Variants in CFAP61 observed in about 807,000 individuals in gnomAD.
CFAP61 encodes the protein cilia- and flagella-associated protein 61.
Under a neutral mutation model 135.6 loss-of-function variants are expected in CFAP61, and 107 were observed. The observed-to-expected ratio is 0.79, with a 90% CI of 0.67 to 0.93. CFAP61 has a LOEUF of 0.93. Among genes scored for constraint, CFAP61 ranks in the 40% least tolerant of loss-of-function variants. The pLI is 0.00. For synonymous variants in CFAP61, 575 were observed against 578.5 expected (o/e 0.99, Z 0.09); for missense variants, 1,507 against 1,556.2 (o/e 0.97, Z 0.53).
At chr20:20,356,218 GA>G (rs2059151836) in intron 26 of CFAP61, among the ~76,000 whole-genome samples, 1 of 139,170 alleles carries the variant, frequency 7.2e-6, no homozygotes, top group African/African-American at 2.7e-5. Flanking sequence ...TACTGTGAGT[GA>G]GGAGCTAGTC....
chr20:20,359,660 G>A lies in CFAP61; in HGVS notation c.3514-550G>A, dbSNP rs922309937. ...GCCTGGGCAACAACAGCGAAATTCC[G>A]TCTCAAAAAGCAAAAAACAAAACAA... is the stretch of plus-strand genomic sequence containing the variant. On this transcript the variant is annotated intron_variant, in intron 26 of 26. Coordinates refer to ENST00000245957, the MANE Select transcript of CFAP61 (RefSeq NM_015585.4). The surrounding 1 kb of genome is among the most constrained non-coding windows in gnomAD (Gnocchi z 4.0). 7.7e-5 allele frequency among the ~76,000 whole-genome samples: 10 copies of A among 129,190 alleles called. No homozygotes were observed. Among genetic ancestry groups the A allele is most frequent in the East Asian group, 2.3e-4 (1 of 4,258 alleles). 84.8% of individuals were successfully genotyped at this position (129,190 alleles called of 152,430 possible).
At chr20:20,093,338 G>A (rs67145845) in intron 7 of CFAP61, among the ~76,000 whole-genome samples, 32,684 of 152,074 alleles carry the variant, frequency 0.21, 4,310 homozygotes, top group South Asian at 0.34. Context: ...GGGCATAGTC[G>A]TTGGTTGGTG....
At chr20:20,137,159 C>T (rs923511268) in intron 8 of CFAP61, among the ~76,000 whole-genome samples, 3 of 152,198 alleles carry the variant, frequency 2.0e-5, no homozygotes, top group African/African-American at 7.2e-5. Flanking sequence ...AGGGGTGACA[C>T]AAAGCACCCT....
chr20:20,119,364 T>C (rs1376843032), intron 8 of CFAP61, among the ~76,000 whole-genome samples: 1 of 152,156 alleles, frequency 6.6e-6, no homozygotes, highest in Non-Finnish European at 1.5e-5. Context: ...AGTCAAGGAA[T>C]TTATCAATTT....
intron 8 of CFAP61, among the ~76,000 whole-genome samples, chr20:20,138,475 T>C (rs566147535): frequency 6.6e-6 from 1 of 151,016 alleles, no homozygotes; most frequent in African/African-American, 2.5e-5. Flanking sequence ...GAGTTCTGCC[T>C]GGTGTTGACA....
intron 26 of CFAP61, among the ~76,000 whole-genome samples, chr20:20,346,352 ACTAAAAATACAAAAAACTAG>A (rs1251054109): frequency 4.0e-5 from 6 of 150,674 alleles, no homozygotes; most frequent in Non-Finnish European, 8.9e-5. Flanking sequence ...CCCTGTCTCT[ACTAAAAATACAAAAAACTAG>A]CTGGGCATGG....
intron 22 of CFAP61, among the ~76,000 whole-genome samples, chr20:20,278,689 G>C (rs184817142): frequency 2.4e-4 from 37 of 152,236 alleles, no homozygotes; most frequent in Admixed American, 8.5e-4. Flanking sequence ...GATTGAGAAT[G>C]GTGGCTCTCA....
At chr20:20,138,786 C>T (rs1600891383) in intron 8 of CFAP61, among the ~76,000 whole-genome samples, 1 of 152,200 alleles carries the variant, frequency 6.6e-6, no homozygotes, top group African/African-American at 2.4e-5. Flanking sequence ...CATTTTGCTT[C>T]ACTTCCTCTA....
intron 20 of CFAP61, chr20:20,253,410 T>A: frequency 1.5e-5 from 4 of 260,004 alleles, no homozygotes; most frequent in Non-Finnish European, 2.3e-5. Flanking sequence ...TCAATAAGGC[T>A]CATCTCACTG....
At chr20:20,144,445 A>T (rs763392430) in intron 9 of CFAP61, among the ~76,000 whole-genome samples, 1 of 152,184 alleles carries the variant, frequency 6.6e-6, no homozygotes, top group East Asian at 1.9e-4. Flanking sequence ...CACCAGAAGG[A>T]TTAACTCCAG....
Position 20,277,264 on chromosome 20 carries a change from C to T in CFAP61, c.2602C>T (p.Pro868Ser). ...CGGCAGCCGCATCCACCTCGTGCAG[C>T]CCCCGCCCGCCTCCACCATCACCTG... ...VSGSRIHLVQ[P>S]PPASTITCIN... The change falls in exon 22 of 27, where the codon CCC (proline) becomes TCC (serine). Residue 868 changes from proline to serine, a missense_variant. Pro to Ser is a moderately conservative substitution (Grantham distance 74). Coordinates refer to ENST00000245957, the MANE Select transcript of CFAP61 (RefSeq NM_015585.4). 1.2e-6 allele frequency: 2 copies of T among 1,613,862 alleles called. No individual in the cohort carries two copies. The highest frequency in any genetic ancestry group is 1.7e-5 in the Admixed American group (1 of 60,018).
At chr20:20,350,710 C>T (rs2035461833) in intron 26 of CFAP61, among the ~76,000 whole-genome samples, 1 of 152,190 alleles carries the variant, frequency 6.6e-6, no homozygotes, top group Non-Finnish European at 1.5e-5. Context: ...CAAAGCAGCA[C>T]TGTTTAGAAC....
intron 6 of CFAP61, among the ~76,000 whole-genome samples, chr20:20,079,333 T>C (rs973928405): frequency 6.6e-6 from 1 of 152,208 alleles, no homozygotes; most frequent in Non-Finnish European, 1.5e-5. Context: ...GGTGTGGTCT[T>C]GTCACTCCTT....
chr20:20,082,812 G>A (rs2046521416), intron 6 of CFAP61, among the ~76,000 whole-genome samples: 1 of 152,122 alleles, frequency 6.6e-6, no homozygotes, highest in African/African-American at 2.4e-5. Context: ...ACTCCTGCAA[G>A]GATGGCCATA....
chr20:20,306,003 G>C (rs2424341), intron 25 of CFAP61, among the ~76,000 whole-genome samples: 76,801 of 151,914 alleles, frequency 0.51, 19,672 homozygotes, highest in Middle Eastern at 0.59. Flanking sequence ...AGGAGGAGGC[G>C]AAAGTCCACT....
chr20:20,184,234 A>G (rs1026054390), intron 13 of CFAP61, among the ~76,000 whole-genome samples: 1 of 152,180 alleles, frequency 6.6e-6, no homozygotes, highest in Non-Finnish European at 1.5e-5. Context: ...TATTTATTAT[A>G]TGTAAAAAAA....
At chr20:20,085,124 C>CTGAA in intron 6 of CFAP61, 1 of 985,462 alleles carries the variant, frequency 1.0e-6, no homozygotes, top group Non-Finnish European at 1.2e-6. Flanking sequence ...AACTCCGCAT[C>CTGAA]TTCATCGCCA....
At position 20,196,614 on chromosome 20, in the gene CFAP61, C is replaced by G; in HGVS notation, c.1635C>G (p.Ile545Met). Reference protein sequence around the residue: ...IRSHYNIEDFIYFSHHQREEH... With the variant: ...IRSHYNIEDFMYFSHHQREEH... The stretch of plus-strand genomic sequence containing the variant: ...CCCATTACAACATTGAAGATTTCAT[C>G]TACTTCAGTCACCACCAGCGCGAAG... The change falls in exon 16 of 27, where the codon ATC becomes ATG. Residue 545 changes from isoleucine (I) to methionine (M), a missense_variant. Ile to Met is a conservative substitution (Grantham distance 10). Coordinates refer to ENST00000245957, the MANE Select transcript of CFAP61 (RefSeq NM_015585.4). 2 of 1,614,120 alleles carry G rather than the reference C, an allele frequency of 1.2e-6. 1 individual carries two copies. Among genetic ancestry groups the G allele is most frequent in the South Asian group, 2.2e-5 (2 of 91,078 alleles).
In CFAP61 at chr20:20,056,635, T is replaced by C. The variant is rs1162845261; in HGVS notation, c.-19T>C. 1 of 1,613,230 alleles carries C rather than the reference T, an allele frequency of 6.2e-7. No individual in the cohort carries two copies. Among genetic ancestry groups the C allele is most frequent in the Non-Finnish European group, 8.5e-7 (1 of 1,179,694 alleles). On this transcript the variant is annotated 5_prime_UTR_variant, in exon 2 of 27. Coordinates refer to ENST00000245957, the MANE Select transcript of CFAP61 (RefSeq NM_015585.4). ...ATTAATAGTGGACTTTTTTCTCTCT[T>C]TTGGGGACAGGATAAAAAATGTCAG... is the stretch of plus-strand genomic sequence containing the variant.
Sources: allele counts gnomAD v4.1 joint callset (sites outside exome capture counted in the v4.1 genomes callset), GRCh38; gene constraint gnomAD v4.1.1; non-coding constraint Gnocchi (gnomAD v3.1); transcripts MANE v1.5; gene names NCBI Gene and HGNC (gene_info 2026-07-23, HGNC 2026-07-21).